Variants in ELMO2 observed in about 807,000 individuals in gnomAD.
ELMO2 encodes the protein engulfment and cell motility protein 2.
Under a neutral mutation model 96.2 loss-of-function variants are expected in ELMO2, and 37 were observed. That is an observed-to-expected ratio of 0.38 (90% confidence interval 0.30 to 0.51). The LOEUF (loss-of-function observed/expected upper bound fraction) is 0.51. ELMO2 is among the 20% of genes least tolerant of loss of function. The pLI, the probability that ELMO2 is intolerant of heterozygous loss-of-function variation, is 0.88. For synonymous variants in ELMO2, 315 were observed against 329.4 expected, an observed-to-expected ratio of 0.96 and a Z score of 0.47; for missense variants, 561 against 912.6, an observed-to-expected ratio of 0.61 and a Z score of 4.96.
At chr20:46,393,885 G>T in intron 4 of ELMO2, 164 bp downstream of exon 4, 2 of 950,518 alleles carry the variant, frequency 2.1e-6, no homozygotes, top group Non-Finnish European at 3.1e-6. Context: ...ACGTCTTAGG[G>T]GTATGGTTGT....
chr20:46,375,114 T>C lies in ELMO2; in HGVS notation c.1065+122A>G. The C allele has an allele frequency of 7.6e-7, 1 of 1,316,400 alleles. No individual in the cohort carries two copies. Among genetic ancestry groups the C allele is most frequent in the South Asian group, 1.4e-5 (1 of 70,126 alleles). The allele number at this position is 1,316,400 out of a possible 1,614,324, so 81.5% of individuals were successfully genotyped here. On this transcript the variant is annotated intron_variant, in intron 13 of 21. Coordinates refer to ENST00000290246, the MANE Select transcript of ELMO2 (RefSeq NM_133171.5). This position sits in a 1 kb window ranked among gnomAD's most constrained non-coding sequence, Gnocchi z 4.6. ...AGCAAGCATTAAAGCTCCACCAGCTTCCTAACTGTCATCTATTCCAGGGCC... is the reference window on the plus strand; with the variant it reads ...AGCAAGCATTAAAGCTCCACCAGCTCCCTAACTGTCATCTATTCCAGGGCC...
Position 46,367,621 on chromosome 20 carries a change from A to G in ELMO2, c.1963-61T>C, listed in dbSNP as rs1304876967. 9 of 1,417,216 alleles carry G rather than the reference A, an allele frequency of 6.4e-6. No individual in the cohort carries two copies. In the East Asian group the frequency reaches 2.2e-4, roughly 34 times the overall value. The allele number at this position is 1,417,216 out of a possible 1,614,324, so 87.8% of individuals were successfully genotyped here. On this transcript the variant is annotated intron_variant, in intron 21 of 21. Coordinates refer to ENST00000290246, the MANE Select transcript of ELMO2 (RefSeq NM_133171.5). ...CCCCTGGTCAGCAGGAGATCCTGCC[A>G]AGGTCTCTTTTCTGATGGGGCTCAC... is the stretch of plus-strand genomic sequence containing the variant.
At chr20:46,374,124 T>A (rs1375397145) in intron 15 of ELMO2, among the ~76,000 whole-genome samples, 6 of 103,080 alleles carry the variant, frequency 5.8e-5, no homozygotes, top group Non-Finnish European at 6.3e-5. Context: ...TTTTTTTTTT[T>A]AGAGATGGGG....
Position 46,375,883 on chromosome 20 carries a change from AAGGGAACAG to A in ELMO2, c.808-102_808-94del. On this transcript the variant is annotated intron_variant, in intron 11 of 21. Transcript: ENST00000290246. This position sits in a 1 kb window ranked among gnomAD's most constrained non-coding sequence, Gnocchi z 4.6. ...CTAAGGAAAAGGAATGTATGTTGGG[AAGGGAACAG>A]AGCTTTCCTCCCACACACGAGGACT... 6.5e-7 allele frequency: 1 copy of A among 1,528,090 alleles called. No homozygotes were observed. 94.7% of individuals were successfully genotyped at this position (1,528,090 alleles called of 1,614,324 possible).
chr20:46,387,407 A>T lies in ELMO2; in HGVS notation c.456T>A (p.Thr152=). 6.2e-7 allele frequency: 1 copy of T among 1,614,114 alleles called. No individual in the cohort carries two copies. ...HYSEMLAFTL[T]AFLELMDHGI... is the part of the protein sequence containing the mutation. Reference sequence around the variant, plus strand: ...CATGGTCCATGAGCTCTAGGAAGGCAGTCAGGGTGAATGCCAGCATCTCAC... The same window carrying T: ...CATGGTCCATGAGCTCTAGGAAGGCTGTCAGGGTGAATGCCAGCATCTCAC... Residue 152 remains threonine (T), a synonymous_variant, in exon 8 of 22, where the codon ACT becomes ACA. Coordinates refer to ENST00000290246, the MANE Select transcript of ELMO2 (RefSeq NM_133171.5).
chr20:46,393,101 T>G lies in ELMO2; in HGVS notation c.235A>C (p.Ile79Leu), dbSNP rs149862820. The G allele has an allele frequency of 1.2e-6, 2 of 1,613,966 alleles. No homozygotes were observed. Among genetic ancestry groups the G allele is most frequent in the African/African-American group, 1.3e-5 (1 of 74,924 alleles). ...GAAGAAAGAATACCTACCGGGGAGATAGCCAGTTGTAAGATTGTCCCATTC... is the reference window on the plus strand; with the variant it reads ...GAAGAAAGAATACCTACCGGGGAGAGAGCCAGTTGTAAGATTGTCCCATTC... The part of the protein sequence containing the change: ...IKNGTILQLA[I>L]SPSRAARQLM... The change falls in exon 6 of 22, where the codon ATC becomes CTC. Residue 79 changes from isoleucine to leucine, a missense_variant. Ile to Leu is a conservative substitution (Grantham distance 5). Coordinates refer to ENST00000290246, the MANE Select transcript of ELMO2 (RefSeq NM_133171.5).
chr20:46,404,619 T>C (rs1193828579), intron 1 of ELMO2, among the ~76,000 whole-genome samples: 1 of 152,220 alleles, frequency 6.6e-6, no homozygotes, highest in Non-Finnish European at 1.5e-5. Context: ...TGTGTGACAC[T>C]GTACAGCCCA....
intron 15 of ELMO2, 137 bp downstream of exon 15, chr20:46,374,195 G>A: frequency 1.8e-6 from 1 of 555,288 alleles, no homozygotes; most frequent in South Asian, 1.8e-5. Flanking sequence ...TCCTGCCTCA[G>A]TCTCCCAAAG....
At chr20:46,403,071 G>A (rs2060361996) in intron 1 of ELMO2, among the ~76,000 whole-genome samples, 1 of 152,192 alleles carries the variant, frequency 6.6e-6, no homozygotes, top group Admixed American at 6.5e-5. Context: ...GGATAATAAA[G>A]CACTAAGCAT....
intron 6 of ELMO2, among the ~76,000 whole-genome samples, chr20:46,392,473 T>C (rs2060167383): frequency 6.6e-6 from 1 of 152,240 alleles, no homozygotes; most frequent in Non-Finnish European, 1.5e-5. Flanking sequence ...AAGGCCCATC[T>C]TCCACATGGT....
intron 9 of ELMO2, among the ~76,000 whole-genome samples, chr20:46,385,218 A>G (rs2060020343): frequency 6.6e-6 from 1 of 152,242 alleles, no homozygotes; most frequent in African/African-American, 2.4e-5. Flanking sequence ...GAGAATCAAC[A>G]GGAGTGCCAC....
chr20:46,382,055 A>T, intron 10 of ELMO2: 1 of 614,752 alleles, frequency 1.6e-6, no homozygotes, highest in Non-Finnish European at 2.6e-6. Context: ...TACTTCCCTA[A>T]GTGTCCTGAC....
chr20:46,403,119 G>C (rs2060362805), intron 1 of ELMO2, among the ~76,000 whole-genome samples: 1 of 152,212 alleles, frequency 6.6e-6, no homozygotes, highest in African/African-American at 2.4e-5. Flanking sequence ...TGAAGAAACT[G>C]CAAAAGCTCT....
chr20:46,371,700 G>T lies in ELMO2; in HGVS notation c.1581-9C>A, dbSNP rs1329752277. ...TCTTCTCCCTCAGCTCCCTGGGGTG[G>T]ACACACACTGGAGTGAGCGGAAGGT... On this transcript the variant is annotated splice_polypyrimidine_tract_variant and intron_variant, in intron 17 of 21. Transcript: ENST00000290246. The surrounding 1 kb of genome is among the most constrained non-coding windows in gnomAD (Gnocchi z 5.9). The T allele has an allele frequency of 6.2e-7, 1 of 1,613,824 alleles. No individual in the cohort carries two copies. Among genetic ancestry groups the T allele is most frequent in the African/African-American group, 1.3e-5 (1 of 75,028 alleles).
Position 46,368,971 on chromosome 20 carries a change from G to A in ELMO2, c.1885-3C>T, listed in dbSNP as rs756752458. ...GAGAAGGCCAATTCCAACACCTCCT[G>A]AAGGAGAAAGGGTTTAAATTAGAGC... is the stretch of plus-strand genomic sequence containing the variant. On this transcript the variant is annotated splice_region_variant and splice_polypyrimidine_tract_variant and intron_variant, in intron 20 of 21. Coordinates refer to ENST00000290246, the MANE Select transcript of ELMO2 (RefSeq NM_133171.5). 3 of 1,613,962 alleles carry A rather than the reference G, an allele frequency of 1.9e-6. No individual in the cohort carries two copies. The highest frequency in any genetic ancestry group is 3.3e-5 in the Admixed American group (2 of 60,008).
At position 46,371,541 on chromosome 20, in the gene ELMO2, C is replaced by T; in HGVS notation, c.1693+38G>A. ...GCACAAAAGGGGCCATCCAGGCAGG[C>T]TCTTCCCGGCACCAAGGATTGCCCC... On this transcript the variant is annotated intron_variant, in intron 18 of 21. Transcript: ENST00000290246. The surrounding 1 kb of genome is among the most constrained non-coding windows in gnomAD (Gnocchi z 5.9). The T allele has an allele frequency of 6.2e-7, 1 of 1,604,606 alleles. No individual in the cohort carries two copies. The highest frequency in any genetic ancestry group is 8.5e-7 in the Non-Finnish European group (1 of 1,173,936).
At position 46,367,326 on chromosome 20, in the gene ELMO2, C is replaced by G; in HGVS notation, c.*34G>C. 7.0e-7 allele frequency: 1 copy of G among 1,436,054 alleles called. No homozygotes were observed. The highest frequency in any genetic ancestry group is 9.2e-7 in the Non-Finnish European group (1 of 1,090,358). The allele number at this position is 1,436,054 out of a possible 1,614,324, so 89.0% of individuals were successfully genotyped here. ...AGTGTTTCTCCTGGGCCCAAAATCC[C>G]TTCTCCTGGGTACCGTCGTTTCTGG... On this transcript the variant is annotated 3_prime_UTR_variant, in exon 22 of 22. Coordinates refer to ENST00000290246, the MANE Select transcript of ELMO2 (RefSeq NM_133171.5).
At chr20:46,389,805 C>A (rs528725542) in intron 6 of ELMO2, among the ~76,000 whole-genome samples, 1 of 152,010 alleles carries the variant, frequency 6.6e-6, no homozygotes, top group Non-Finnish European at 1.5e-5. Context: ...GCTAGGACTG[C>A]ACCACTGCAC....
intron 1 of ELMO2, among the ~76,000 whole-genome samples, chr20:46,400,355 A>G (rs1316674121): frequency 1.3e-5 from 2 of 152,222 alleles, no homozygotes; most frequent in Admixed American, 6.5e-5. Context: ...GGATCTCCTT[A>G]TAGGGAACCC....
Sources: allele counts gnomAD v4.1 joint callset (sites outside exome capture counted in the v4.1 genomes callset), GRCh38; gene constraint gnomAD v4.1.1; non-coding constraint Gnocchi (gnomAD v3.1); transcripts MANE v1.5; gene names NCBI Gene and HGNC (gene_info 2026-07-23, HGNC 2026-07-21).